The following ZNF737 variants were observed in gnomAD, a reference collection of about 807,000 sequenced individuals.
ZNF737 encodes the protein zinc finger protein 102 (Y3).
ZNF737 carries 13 observed loss-of-function variants against 11.7 expected under a neutral mutation model. The observed-to-expected ratio is 1.11, with a 90% CI of 0.73 to 1.77. The LOEUF (loss-of-function observed/expected upper bound fraction) is 1.77. ZNF737 is among the 40% of genes most tolerant of loss of function. The pLI is 0.00. For synonymous variants in ZNF737, 217 were observed against 216.2 expected, an observed-to-expected ratio of 1.00 and a Z score of -0.03; for missense variants, 636 against 638.0, an observed-to-expected ratio of 1.00 and a Z score of 0.03.
intron 1 of ZNF737, among the ~76,000 whole-genome samples, chr19:20,560,781 C>CA (rs34958603): frequency 2.2e-4 from 32 of 147,556 alleles, no homozygotes; most frequent in South Asian, 1.1e-3. Context: ...ACTCCGTCTC[C>CA]AAAAAAAAAG....
chr19:20,535,575 G>A (rs367855631), downstream of ZNF737, among the ~76,000 whole-genome samples: 3 of 150,044 alleles, frequency 2.0e-5, no homozygotes, highest in Non-Finnish European at 4.4e-5. Context: ...ACCCAAGCTG[G>A]AGTGCAGTGG....
Position 20,545,979 on chromosome 19 carries a change from G to T in ZNF737, c.227-3C>A, listed in dbSNP as rs920944348. The T allele has an allele frequency of 6.5e-6, 10 of 1,535,922 alleles. No individual in the cohort carries two copies. Among genetic ancestry groups the T allele is most frequent in the Non-Finnish European group, 8.7e-6 (10 of 1,148,046 alleles). ...TCGGGCAAAATGAGAACACGTAACT[G>T]AAAGAAACAATAAAAGCACATTACT... On this transcript the variant is annotated splice_polypyrimidine_tract_variant and splice_region_variant and intron_variant, in intron 3 of 3. Coordinates refer to ENST00000427401, the MANE Select transcript of ZNF737 (RefSeq NM_001159293.2).
chr19:20,562,067 A>G (rs1234855871), intron 1 of ZNF737, among the ~76,000 whole-genome samples: 1 of 152,194 alleles, frequency 6.6e-6, no homozygotes, highest in Non-Finnish European at 1.5e-5. Context: ...GTTTATGGAA[A>G]GAAACACTGT....
chr19:20,544,441 C>T lies in ZNF737; in HGVS notation c.*151G>A, dbSNP rs782621483. On this transcript the variant is annotated 3_prime_UTR_variant, in exon 4 of 4. Transcript: ENST00000427401. ...TTTCTTATTTGTTGGGTTTCTTTCC[C>T]GCATGAATTATCTAATGTCTACTAA... The T allele has an allele frequency of 2.6e-5, 38 of 1,468,698 alleles. No individual in the cohort carries two copies. In the South Asian group the frequency reaches 3.1e-4, roughly 12 times the overall value. The allele number at this position is 1,468,698 out of a possible 1,614,324, so 91.0% of individuals were successfully genotyped here.
intron 2 of ZNF737, among the ~76,000 whole-genome samples, chr19:20,552,803 T>G (rs540198126): frequency 9.9e-5 from 15 of 151,814 alleles, no homozygotes; most frequent in Admixed American, 2.0e-4. Flanking sequence ...CACGAGGTCA[T>G]GAGTTAGAGA....
chr19:20,538,312 T>G lies in ZNF737; in HGVS notation c.*6280A>C, dbSNP rs1460227019. On this transcript the variant is annotated 3_prime_UTR_variant, in exon 4 of 4. Transcript: ENST00000427401. Reference sequence around the variant, plus strand: ...AAGCAAGCATTAGGTCATAGCCTGTTCCTCCTCCTTATTTGAAGGTATTTT... The same window carrying G: ...AAGCAAGCATTAGGTCATAGCCTGTGCCTCCTCCTTATTTGAAGGTATTTT... Among the ~76,000 whole-genome samples, 4 of 152,234 alleles carry G rather than the reference T, an allele frequency of 2.6e-5. No individual in the cohort carries two copies. Among genetic ancestry groups the G allele is most frequent in the Non-Finnish European group, 5.9e-5 (4 of 68,036 alleles).
At position 20,548,732 on chromosome 19, in the gene ZNF737, ATGGC is replaced by A. The variant is rs1402633368; in HGVS notation, c.227-2760_227-2757del. Among the ~76,000 whole-genome samples the A allele has an allele frequency of 8.6e-4, 121 of 140,982 alleles. 1 individual carries two copies. The highest frequency in any genetic ancestry group is 3.0e-3 in the African/African-American group (116 of 38,464). 92.5% of individuals were successfully genotyped at this position (140,982 alleles called of 152,430 possible). ...GCTGGGGCCACAGCTGCACATCACT[ATGGC>A]TGGCTATTATTATTATTATTTTTTA... On this transcript the variant is annotated intron_variant, in intron 3 of 3. Coordinates refer to ENST00000427401, the MANE Select transcript of ZNF737 (RefSeq NM_001159293.2).
chr19:20,536,703 A>G (rs1967980315), downstream of ZNF737, among the ~76,000 whole-genome samples: 1 of 152,190 alleles, frequency 6.6e-6, no homozygotes, highest in Non-Finnish European at 1.5e-5. Flanking sequence ...GCACTTTGGG[A>G]GGCTGAGGCT....
chr19:20,530,806 C>G, the ZNF737 span, among the ~76,000 whole-genome samples: 1 of 147,878 alleles, frequency 6.8e-6, no homozygotes, highest in Non-Finnish European at 1.5e-5. Flanking sequence ...CAGAGATGCT[C>G]CTCACTTCCC....
chr19:20,552,334 A>G (rs1968707549), intron 3 of ZNF737, 141 bp downstream of exon 3: 3 of 219,736 alleles, frequency 1.4e-5, no homozygotes, highest in Admixed American at 1.3e-4. Context: ...TTAAAAAAGA[A>G]AAAAAAAAAA....
chr19:20,553,256 CTT>C (rs1968761105), intron 2 of ZNF737, among the ~76,000 whole-genome samples: 1 of 151,838 alleles, frequency 6.6e-6, no homozygotes, highest in African/African-American at 2.4e-5. Context: ...AAATTTTTTT[CTT>C]TTCTTTTTTT....
At position 20,545,466 on chromosome 19, in the gene ZNF737, G is replaced by A; in HGVS notation, c.737C>T (p.Ala246Val). ...CTCTCCACTATGAATTATCTTATGT[G>A]CAGTAAGGTATGAAAACCGGCTAAA... is the stretch of plus-strand genomic sequence containing the variant. ...KAFSRFSYLTAHKIIHSGEKP... is the reference protein window; with the variant it reads ...KAFSRFSYLTVHKIIHSGEKP... Residue 246 changes from alanine to valine, a missense_variant, in exon 4 of 4, where the codon GCA (alanine) becomes GTA (valine). Ala to Val is a moderately conservative substitution (Grantham distance 64). Coordinates refer to ENST00000427401, the MANE Select transcript of ZNF737 (RefSeq NM_001159293.2). 6.2e-7 allele frequency: 1 copy of A among 1,613,614 alleles called. No homozygotes were observed. Among genetic ancestry groups the A allele is most frequent in the Non-Finnish European group, 8.5e-7 (1 of 1,179,850 alleles).
chr19:20,561,361 C>G (rs571348453), intron 1 of ZNF737, among the ~76,000 whole-genome samples: 2 of 150,692 alleles, frequency 1.3e-5, no homozygotes, highest in East Asian at 2.0e-4. Context: ...GTGGTGCCTA[C>G]TCCTGGGAGG....
chr19:20,535,999 T>C (rs1967952199), downstream of ZNF737: 1 of 839,448 alleles, frequency 1.2e-6, no homozygotes, highest in African/African-American at 1.8e-5. Flanking sequence ...TTCCACATTT[T>C]CCTGTTCTTC....
intron 1 of ZNF737, among the ~76,000 whole-genome samples, chr19:20,563,296 G>A (rs1327063112): frequency 6.7e-6 from 1 of 148,852 alleles, no homozygotes; most frequent in East Asian, 2.0e-4. Flanking sequence ...GTGCAGGGGA[G>A]GCTCCCCAGA....
At position 20,544,597 on chromosome 19, in the gene ZNF737, G is replaced by C. The variant is rs782437470; in HGVS notation, c.1606C>G (p.Leu536Val). The C allele has an allele frequency of 9.4e-6, 15 of 1,597,674 alleles. No homozygotes were observed. The South Asian group carries it at 1.7e-4, about 18-fold the overall frequency. ...THKVIHTGEK[L>V] ...CTTTGCCACATTCCTCACATTTATAGTTTCTCTCCAGTATGAATTACCTTA... is the reference window on the plus strand; with the variant it reads ...CTTTGCCACATTCCTCACATTTATACTTTCTCTCCAGTATGAATTACCTTA... Residue 536 changes from leucine (L) to valine (V), a missense_variant, in exon 4 of 4, where the codon CTA becomes GTA. Transcript: ENST00000427401.
chr19:20,562,861 A>G (rs1472839721), intron 1 of ZNF737, among the ~76,000 whole-genome samples: 2 of 151,984 alleles, frequency 1.3e-5, no homozygotes, highest in Admixed American at 6.6e-5. Context: ...ACCCCATTTT[A>G]TGTCCCTCCT....
chr19:20,550,765 A>G (rs1447817035), intron 3 of ZNF737, among the ~76,000 whole-genome samples: 1 of 152,160 alleles, frequency 6.6e-6, no homozygotes, highest in African/African-American at 2.4e-5. Context: ...TCTAAGGGAG[A>G]TTTGAGAGCT....
rs1487758613 is a variant in ZNF737 at position 20,543,056 on chromosome 19, A to G, written c.*1536T>C. The G allele has an allele frequency of 1.9e-5, 19 of 984,876 alleles. No individual in the cohort carries two copies. The highest frequency in any genetic ancestry group is 6.1e-5 in the Admixed American group (1 of 16,268). 61.0% of individuals were successfully genotyped at this position (984,876 alleles called of 1,614,324 possible). ...TGCTCTGATTTAGTGTAATGTCTGA[A>G]GTGTCGGGGCCTTAGTTATTCTACT... On this transcript the variant is annotated 3_prime_UTR_variant, in exon 4 of 4. Coordinates refer to ENST00000427401, the MANE Select transcript of ZNF737 (RefSeq NM_001159293.2).
Sources: gnomAD v4.1 joint callset for allele counts (sites outside exome capture counted in the v4.1 genomes callset) on GRCh38, gnomAD v4.1.1 for gene constraint, MANE v1.5 for transcripts, NCBI Gene and HGNC (gene_info 2026-07-23, HGNC 2026-07-21) for gene names.